Variants in PRELID2 observed in about 807,000 individuals in gnomAD.
The protein encoded by PRELID2 is PRELI domain containing 2.
Under a neutral mutation model 28.4 loss-of-function variants are expected in PRELID2, and 25 were observed. The ratio of observed to expected loss-of-function variants is 0.88; its 90% confidence interval spans 0.64 to 1.23. The LOEUF is 1.23. PRELID2 is among the 50% of genes most tolerant of loss of function. The pLI is 0.00. For missense variants in PRELID2, 201 were observed against 214.4 expected, an observed-to-expected ratio of 0.94 and a Z score of 0.39; for synonymous variants, 76 against 71.6, an observed-to-expected ratio of 1.06 and a Z score of -0.31.
chr5:145,764,983 C>G lies in PRELID2; in HGVS notation c.492G>C (p.Glu164Asp). Residue 164 changes from glutamate to aspartate, a missense_variant, in exon 6 of 7, where the codon GAG becomes GAC. Transcript: ENST00000683046. ...QGAQKGIRIM[E>D]MLLKEQCGAP... Reference sequence around the variant, plus strand: ...CACCACACTGTTCCTTTAGCAGCATCTCCATGATTCTAATTCCCTATAGAA... The same window carrying G: ...CACCACACTGTTCCTTTAGCAGCATGTCCATGATTCTAATTCCCTATAGAA... The G allele has an allele frequency of 6.2e-7, 1 of 1,609,468 alleles. No individual in the cohort carries two copies. Among genetic ancestry groups the G allele is most frequent in the Non-Finnish European group, 8.5e-7 (1 of 1,177,996 alleles).
chr5:145,553,628 G>A (rs1752856258), intron 1 of PRELID2, among the ~76,000 whole-genome samples: 1 of 152,198 alleles, frequency 6.6e-6, no homozygotes, highest in Non-Finnish European at 1.5e-5. Flanking sequence ...TGGAAAGGAA[G>A]ACTGGTGCCA....
chr5:145,452,577 G>C, the PRELID2 span, among the ~76,000 whole-genome samples: 1 of 152,126 alleles, frequency 6.6e-6, no homozygotes, highest in Non-Finnish European at 1.5e-5. Context: ...CTGTAGCACA[G>C]ATCACACTGG....
At chr5:145,506,336 C>T (rs541803195) in intron 1 of PRELID2, among the ~76,000 whole-genome samples, 2 of 152,226 alleles carry the variant, frequency 1.3e-5, no homozygotes, top group South Asian at 2.1e-4. Flanking sequence ...AACCACTCCC[C>T]GAATGAGTAG....
intron 5 of PRELID2, among the ~76,000 whole-genome samples, chr5:145,794,594 T>C (rs1304959784): frequency 6.6e-6 from 1 of 152,064 alleles, no homozygotes; most frequent in Non-Finnish European, 1.5e-5. Flanking sequence ...GCACAGTGCC[T>C]AGTGCAAAGC....
intron 5 of PRELID2, among the ~76,000 whole-genome samples, chr5:145,777,223 C>T (rs780607291): frequency 7.9e-5 from 12 of 152,104 alleles, no homozygotes; most frequent in Admixed American, 2.0e-4. Flanking sequence ...GTTTTAGAGA[C>T]GGGGTCTCAC....
At chr5:145,500,879 C>T (rs1276093928) in intron 1 of PRELID2, among the ~76,000 whole-genome samples, 1 of 152,126 alleles carries the variant, frequency 6.6e-6, no homozygotes, top group Non-Finnish European at 1.5e-5. Context: ...CTAACATTCC[C>T]TCTTGTCCTT....
At chr5:145,557,689 A>C (rs1041163250) in intron 1 of PRELID2, among the ~76,000 whole-genome samples, 1 of 152,204 alleles carries the variant, frequency 6.6e-6, no homozygotes, top group African/African-American at 2.4e-5. Flanking sequence ...AAATGCTTGA[A>C]GGCACTATTT....
the PRELID2 span, among the ~76,000 whole-genome samples, chr5:145,351,285 T>C: frequency 2.0e-5 from 3 of 152,146 alleles, no homozygotes; most frequent in Non-Finnish European, 4.4e-5. Flanking sequence ...GAGGTTTAAT[T>C]GACTCACAGT....
At chr5:145,420,049 G>A in the PRELID2 span, among the ~76,000 whole-genome samples, 5 of 151,634 alleles carry the variant, frequency 3.3e-5, no homozygotes, top group Admixed American at 1.3e-4. Flanking sequence ...GTAGATATGC[G>A]GCATTATTTC....
At chr5:145,800,586 G>A (rs1253562061) in intron 4 of PRELID2, among the ~76,000 whole-genome samples, 1 of 152,114 alleles carries the variant, frequency 6.6e-6, no homozygotes, top group African/African-American at 2.4e-5. Context: ...GGCAAATGTA[G>A]GTGAGGGATT....
chr5:145,806,448 A>G (rs1210747532), intron 4 of PRELID2, among the ~76,000 whole-genome samples: 8 of 152,204 alleles, frequency 5.3e-5, no homozygotes, highest in Non-Finnish European at 8.8e-5. Context: ...GGGCAATAAC[A>G]CACATGAAGC....
At chr5:145,275,504 C>T in the PRELID2 span, among the ~76,000 whole-genome samples, 1 of 151,940 alleles carries the variant, frequency 6.6e-6, no homozygotes, top group Non-Finnish European at 1.5e-5. Flanking sequence ...TAGCATGTTT[C>T]CTGGGGGCAA....
chr5:145,543,764 C>T (rs1752764049), intron 1 of PRELID2, among the ~76,000 whole-genome samples: 1 of 152,032 alleles, frequency 6.6e-6, no homozygotes, highest in African/African-American at 2.4e-5. Context: ...CTCTAGGAAA[C>T]CTTGACTATC....
chr5:145,771,386 C>A (rs888706656), intron 5 of PRELID2, among the ~76,000 whole-genome samples: 3 of 151,756 alleles, frequency 2.0e-5, no homozygotes, highest in African/African-American at 7.3e-5. Context: ...CAGAATGTAT[C>A]CCTTTTGCTA....
intron 1 of PRELID2, among the ~76,000 whole-genome samples, chr5:145,589,545 A>T (rs1263698612): frequency 6.6e-6 from 1 of 152,116 alleles, no homozygotes; most frequent in East Asian, 1.9e-4. Context: ...TTTTATTTCT[A>T]GTAAGGCTGA....
chr5:145,319,948 A>G, the PRELID2 span, among the ~76,000 whole-genome samples: 39 of 152,276 alleles, frequency 2.6e-4, no homozygotes, highest in African/African-American at 8.7e-4. Context: ...TACCATTTTC[A>G]TCACCACCAA....
the PRELID2 span, among the ~76,000 whole-genome samples, chr5:145,318,268 C>G: frequency 6.6e-6 from 1 of 152,122 alleles, no homozygotes; most frequent in Non-Finnish European, 1.5e-5. Context: ...GCATTCAAAT[C>G]TCAGAGACCA....
chr5:145,294,038 A>T, the PRELID2 span, among the ~76,000 whole-genome samples: 1 of 151,020 alleles, frequency 6.6e-6, no homozygotes, highest in Non-Finnish European at 1.5e-5. Context: ...TCACAATTAA[A>T]CTCCTCTCTC....
chr5:145,492,013 G>C (rs1013296091), intron 1 of PRELID2, among the ~76,000 whole-genome samples: 1 of 152,150 alleles, frequency 6.6e-6, no homozygotes, highest in African/African-American at 2.4e-5. Context: ...TGGGAGTGCA[G>C]ATATCATTTG....
Sources: allele counts gnomAD v4.1 joint callset (sites outside exome capture counted in the v4.1 genomes callset), GRCh38; gene constraint gnomAD v4.1.1; transcripts MANE v1.5; gene names NCBI Gene and HGNC (gene_info 2026-07-23, HGNC 2026-07-21).